The following SH2D5 variants were observed in gnomAD, a reference collection of about 807,000 sequenced individuals.
SH2D5 encodes the protein SH2 domain containing 5.
SH2D5 carries 45 observed loss-of-function variants against 48.2 expected under a neutral mutation model. That is an observed-to-expected ratio of 0.93 (90% CI 0.73 to 1.20). The LOEUF (loss-of-function observed/expected upper bound fraction) is 1.20. SH2D5 is among the 50% of genes most tolerant of loss of function. The probability of loss-of-function intolerance (pLI) is 0.00; values close to 1 mark genes in which losing one functional copy is unlikely to be tolerated. For missense variants in SH2D5, 538 were observed against 584.1 expected (o/e 0.92, Z 0.81); for synonymous variants, 230 against 249.8 (o/e 0.92, Z 0.75).
At chr1:20,730,363 G>C in intron 1 of SH2D5, among the ~76,000 whole-genome samples, 1 of 152,056 alleles carries the variant, frequency 6.6e-6, no homozygotes, top group Non-Finnish European at 1.5e-5. Flanking sequence ...GAGGAGCCGT[G>C]CGGGCATCTC....
At chr1:20,727,128 G>T in intron 3 of SH2D5, 53 bp from the exon 4 acceptor site, 2 of 1,471,850 alleles carry the variant, frequency 1.4e-6, no homozygotes, top group Non-Finnish European at 1.9e-6. Flanking sequence ...CCCTGCCTTG[G>T]CCTGCCCAGC....
chr1:20,731,609 G>A (rs906484221), intron 1 of SH2D5: 4 of 152,428 alleles, frequency 2.6e-5, no homozygotes, highest in Admixed American at 6.5e-5. Context: ...AGAACAGCGG[G>A]GTGAGGAGAA....
At chr1:20,723,048 G>A in intron 8 of SH2D5, 133 bp from the exon 9 acceptor site, 1 of 827,328 alleles carries the variant, frequency 1.2e-6, no homozygotes, top group Non-Finnish European at 1.7e-6. Flanking sequence ...GGGCTCAGTG[G>A]CTCATGCCTG....
chr1:20,730,112 C>T (rs530191669), intron 1 of SH2D5, among the ~76,000 whole-genome samples: 2 of 152,136 alleles, frequency 1.3e-5, no homozygotes, highest in South Asian at 2.1e-4. Context: ...GGGCCAGGAT[C>T]GGCCAGGATG....
Position 20,721,936 on chromosome 1 carries a change from T to C in SH2D5, c.1128A>G (p.Glu376=), listed in dbSNP as rs202199124. ...TGTCGAGGGGACAGAAGAGGCTACGTTCAGTAACCGCGTGGTTCTCCACCA... is the reference window on the plus strand; with the variant it reads ...TGTCGAGGGGACAGAAGAGGCTACGCTCAGTAACCGCGTGGTTCTCCACCA... ...EALVENHAVT[E]RSLFCPLDMG... Residue 376 remains glutamate (E), a synonymous_variant, in exon 10 of 10, where the codon GAA becomes GAG. Coordinates refer to ENST00000444387, the MANE Select transcript of SH2D5 (RefSeq NM_001103161.2). 277 of 1,613,138 alleles carry C rather than the reference T, an allele frequency of 1.7e-4. 1 individual carries two copies. The East Asian group carries it at 3.6e-3, about 21-fold the overall frequency.
At chr1:20,725,855 C>T (rs1181066291) in intron 5 of SH2D5, 65 bp downstream of exon 5, 6 of 1,587,858 alleles carry the variant, frequency 3.8e-6, no homozygotes, top group African/African-American at 1.3e-5. Context: ...AAGGAACCCA[C>T]CCTGATGCCT....
chr1:20,724,528 C>A lies in SH2D5; in HGVS notation c.498G>T (p.Glu166Asp). The A allele has an allele frequency of 6.2e-7, 1 of 1,610,134 alleles. No homozygotes were observed. Among genetic ancestry groups the A allele is most frequent in the Non-Finnish European group, 8.5e-7 (1 of 1,178,906 alleles). ...AGCTGGACAGTGGCTTCAGGGGCAC[C>A]TCCCCTGTGGGCCCTGGGCAGGGCT... ...QPEPCPGPTG[E>D]VPLKPLSSSG... The change falls in exon 6 of 10, where the codon GAG (glutamate) becomes GAT (aspartate). Residue 166 changes from glutamate (E) to aspartate (D), a missense_variant. Physicochemically the swap from Glu to Asp is conservative, Grantham distance 45 (BLOSUM62 2). Transcript: ENST00000444387.
Position 20,724,174 on chromosome 1 carries a change from G to A in SH2D5, c.708C>T (p.Arg236=), listed in dbSNP as rs747513400. ...TCACCTTGCTGCGAATGGCCTTCTTGCGCACCAGCGTGGGCGAGCAGTAGG... is the reference window on the plus strand; with the variant it reads ...TCACCTTGCTGCGAATGGCCTTCTTACGCACCAGCGTGGGCGAGCAGTAGG... The part of the protein sequence containing the change: ...GNPYCSPTLV[R]KKAIRSKVIR... Residue 236 remains arginine (R), a synonymous_variant, in exon 7 of 10, where the codon CGC becomes CGT. Coordinates refer to ENST00000444387, the MANE Select transcript of SH2D5 (RefSeq NM_001103161.2). 6.3e-5 allele frequency: 102 copies of A among 1,612,916 alleles called. No individual in the cohort carries two copies. Among genetic ancestry groups the A allele is most frequent in the Non-Finnish European group, 8.1e-5 (96 of 1,180,016 alleles).
chr1:20,724,050 T>A (rs2054743470), intron 7 of SH2D5, 33 bp downstream of exon 7: 2 of 1,596,610 alleles, frequency 1.3e-6, no homozygotes, highest in African/African-American at 2.7e-5. Flanking sequence ...GTGTCCCAGG[T>A]ACACACAGGG....
intron 3 of SH2D5, 64 bp downstream of exon 3, chr1:20,727,459 A>G (rs2054823033): frequency 2.1e-6 from 3 of 1,434,794 alleles, no homozygotes; most frequent in Admixed American, 2.0e-5. Flanking sequence ...GATCTGGTCT[A>G]GGGGGTTACC....
chr1:20,722,531 GGGCCAGCTGGGGGTGA>G (rs1195512830), intron 9 of SH2D5, among the ~76,000 whole-genome samples: 1 of 152,234 alleles, frequency 6.6e-6, no homozygotes, highest in Non-Finnish European at 1.5e-5. Flanking sequence ...GGGGCCAAGT[GGGCCAGCTGGGGGTGA>G]GGCCAGCAGG....
rs1481392286 is a variant in SH2D5, at chr1:20,729,969, T to C, written c.-42-1883A>G. On this transcript the variant is annotated intron_variant, in intron 1 of 9. Transcript: ENST00000444387. This position sits in a 1 kb window ranked among gnomAD's most constrained non-coding sequence, Gnocchi z 4.2. Reference sequence around the variant, plus strand: ...TTCATGTCATATCCTTTACCTACTGTATCTTTTATGTTTAAATAAAGCAAA... The same window carrying C: ...TTCATGTCATATCCTTTACCTACTGCATCTTTTATGTTTAAATAAAGCAAA... 6.6e-6 allele frequency among the ~76,000 whole-genome samples: 1 copy of C among 152,230 alleles called. No homozygotes were observed. The highest frequency in any genetic ancestry group is 1.5e-5 in the Non-Finnish European group (1 of 68,038).
At chr1:20,724,322 G>A in intron 6 of SH2D5, 71 bp from the exon 7 acceptor site, 2 of 1,600,968 alleles carry the variant, frequency 1.2e-6, no homozygotes, top group Non-Finnish European at 8.5e-7. Flanking sequence ...TGAAGCCCCT[G>A]CCCTGACATG....
intron 5 of SH2D5, 30 bp from the exon 6 acceptor site, chr1:20,724,665 C>G: frequency 6.6e-7 from 1 of 1,506,344 alleles, no homozygotes; most frequent in South Asian, 1.3e-5. Flanking sequence ...GTGGGCTCAG[C>G]TGGAGGAGGT....
At chr1:20,722,681 G>A (rs755836476) in intron 9 of SH2D5, 75 bp downstream of exon 9, 23 of 1,365,140 alleles carry the variant, frequency 1.7e-5, no homozygotes, top group Admixed American at 3.2e-5. Flanking sequence ...AGTTAGAAAA[G>A]GGCAGGCAGG....
In SH2D5 at chr1:20,724,501, A is replaced by G. The variant is rs768787291; in HGVS notation, c.525T>C (p.Ser175=). 1 of 1,612,594 alleles carries G rather than the reference A, an allele frequency of 6.2e-7. No homozygotes were observed. The highest frequency in any genetic ancestry group is 8.5e-7 in the Non-Finnish European group (1 of 1,179,770). Residue 175 remains serine (S), a synonymous_variant, in exon 6 of 10, where the codon TCT becomes TCC. Coordinates refer to ENST00000444387, the MANE Select transcript of SH2D5 (RefSeq NM_001103161.2). The part of the protein sequence containing the change: ...GEVPLKPLSS[S]GGLVREPFGR... ...CGAAGGGCTCCCGCACCAGGCCCCCAGAGCTGGACAGTGGCTTCAGGGGCA... is the reference window on the plus strand; with the variant it reads ...CGAAGGGCTCCCGCACCAGGCCCCCGGAGCTGGACAGTGGCTTCAGGGGCA...
At chr1:20,725,859 G>A in intron 5 of SH2D5, 61 bp downstream of exon 5, 2 of 1,591,374 alleles carry the variant, frequency 1.3e-6, no homozygotes, top group South Asian at 1.2e-5. Context: ...AACCCACCCT[G>A]ATGCCTGGCG....
rs774080888 is a variant in SH2D5 at position 20,721,557 on chromosome 1, C to A, written c.*235G>T. On this transcript the variant is annotated 3_prime_UTR_variant, in exon 10 of 10. Coordinates refer to ENST00000444387, the MANE Select transcript of SH2D5 (RefSeq NM_001103161.2). ...AGCCACCCAAAGGGTTATCCGAAGC[C>A]TGCAACTCCACCTGCCCTCCTGGAA... The A allele has an allele frequency of 2.7e-5, 13 of 476,970 alleles. No individual in the cohort carries two copies. The highest frequency in any genetic ancestry group is 4.4e-5 in the Non-Finnish European group (12 of 271,810). 29.5% of individuals were successfully genotyped at this position (476,970 alleles called of 1,614,324 possible).
chr1:20,723,552 A>T, intron 8 of SH2D5, 74 bp downstream of exon 8: 1 of 1,199,778 alleles, frequency 8.3e-7, no homozygotes, highest in Non-Finnish European at 1.2e-6. Flanking sequence ...TGTGTGCCTC[A>T]GGGGCCTGGG....
Sources: allele counts gnomAD v4.1 joint callset (sites outside exome capture counted in the v4.1 genomes callset), GRCh38; gene constraint gnomAD v4.1.1; non-coding constraint Gnocchi (gnomAD v3.1); transcripts MANE v1.5; gene names NCBI Gene and HGNC (gene_info 2026-07-23, HGNC 2026-07-21).